Variants in PPP2R3A observed in about 807,000 individuals in gnomAD.
PPP2R3A encodes serine/threonine-protein phosphatase 2A regulatory subunit B'' subunit alpha.
Under a neutral mutation model 106.9 loss-of-function variants are expected in PPP2R3A, and 80 were observed. The observed-to-expected ratio is 0.75, with a 90% CI of 0.62 to 0.90. The LOEUF (loss-of-function observed/expected upper bound fraction) is 0.90. Among genes scored for constraint, PPP2R3A ranks in the 40% least tolerant of loss-of-function variants. The pLI is 0.00. For missense variants in PPP2R3A, 1,386 were observed against 1,350.4 expected (o/e 1.03, Z -0.41); for synonymous variants, 483 against 468.3 (o/e 1.03, Z -0.41).
At chr3:136,064,034 T>C (rs1431988778) in intron 5 of PPP2R3A, among the ~76,000 whole-genome samples, 9 of 151,436 alleles carry the variant, frequency 5.9e-5, no homozygotes, top group Non-Finnish European at 1.2e-4. Flanking sequence ...CCAGCAACGA[T>C]AGACTGGATT....
chr3:136,128,768 G>A (rs948003455), intron 13 of PPP2R3A, among the ~76,000 whole-genome samples: 5 of 152,030 alleles, frequency 3.3e-5, no homozygotes, highest in Non-Finnish European at 7.4e-5. Context: ...ATAGTTGGAA[G>A]TAAAGCACTC....
intron 13 of PPP2R3A, among the ~76,000 whole-genome samples, chr3:136,114,008 G>A (rs554568687): frequency 8.5e-5 from 13 of 152,286 alleles, no homozygotes; most frequent in African/African-American, 2.9e-4. Context: ...CCAGTCTGCA[G>A]CTCCCAGCCA....
In PPP2R3A at chr3:136,147,036, G is replaced by A. The variant is rs1252008896; in HGVS notation, c.*1870G>A. On this transcript the variant is annotated 3_prime_UTR_variant, in exon 14 of 14. Transcript: ENST00000264977. ...CCTTTTTACCTTGGTTCTCCTTACT[G>A]AAGTCCTCTTGCTTTCACTTTGATC... 4 of 150,942 alleles carry A rather than the reference G, an allele frequency of 2.7e-5. No homozygotes were observed. The highest frequency in any genetic ancestry group is 9.8e-5 in the African/African-American group (4 of 40,938). The allele number at this position is 150,942 out of a possible 1,614,324, so 9.4% of individuals were successfully genotyped here.
At chr3:135,984,833 A>G (rs1055749426) in intron 1 of PPP2R3A, among the ~76,000 whole-genome samples, 2 of 152,190 alleles carry the variant, frequency 1.3e-5, no homozygotes, top group Non-Finnish European at 2.9e-5. Flanking sequence ...TACAGTCCAC[A>G]TGGCTGGGGA....
intron 1 of PPP2R3A, among the ~76,000 whole-genome samples, chr3:135,981,752 A>G (rs996179146): frequency 1.8e-4 from 27 of 151,788 alleles, no homozygotes; most frequent in Non-Finnish European, 5.9e-5. Flanking sequence ...ATTAAACTAC[A>G]TAATAGGGCA....
chr3:136,114,055 G>A (rs907716951), intron 13 of PPP2R3A, among the ~76,000 whole-genome samples: 21 of 152,220 alleles, frequency 1.4e-4, no homozygotes, highest in African/African-American at 3.6e-4. Context: ...TGCATTCCCC[G>A]CTGAGGTACC....
chr3:136,105,799 A>G (rs1209237132), intron 12 of PPP2R3A, among the ~76,000 whole-genome samples: 1 of 152,042 alleles, frequency 6.6e-6, no homozygotes, highest in African/African-American at 2.4e-5. Context: ...CTGTCTCTAC[A>G]AAATACAAAA....
Position 136,002,139 on chromosome 3 carries a change from T to C in PPP2R3A, c.641T>C (p.Ile214Thr). Residue 214 changes from isoleucine (I) to threonine (T), a missense_variant, in exon 2 of 14, where the codon ATT becomes ACT. Coordinates refer to ENST00000264977, the MANE Select transcript of PPP2R3A (RefSeq NM_002718.5). ...NFSEEDLVTQ[I>T]LEKHKIDNFS... The stretch of plus-strand genomic sequence containing the variant: ...TCTGAAGAAGACTTGGTTACTCAGA[T>C]TTTGGAAAAACATAAAATAGATAAT... The C allele has an allele frequency of 1.2e-6, 2 of 1,614,072 alleles. No homozygotes were observed. Among genetic ancestry groups the C allele is most frequent in the Non-Finnish European group, 1.7e-6 (2 of 1,180,008 alleles).
At chr3:136,000,938 C>T in intron 1 of PPP2R3A, 121 bp from the exon 2 acceptor site, 1 of 382,052 alleles carries the variant, frequency 2.6e-6, no homozygotes, top group Non-Finnish European at 4.6e-6. Context: ...TGAATATCAG[C>T]TGTAAGGGAT....
chr3:135,980,103 C>T lies in PPP2R3A; in HGVS notation c.-441+14254C>T, dbSNP rs1051607203. On this transcript the variant is annotated intron_variant, in intron 1 of 13. Coordinates refer to ENST00000264977, the MANE Select transcript of PPP2R3A (RefSeq NM_002718.5). ...GCCATGTTGCTCATCATGAATGCCC[C>T]GAAAGAGTGGCCTCAGGCACAAAAT... 8.6e-5 allele frequency among the ~76,000 whole-genome samples: 13 copies of T among 151,832 alleles called. 1 individual carries two copies. Among genetic ancestry groups the T allele is most frequent in the South Asian group, 6.2e-4 (3 of 4,810 alleles).
intron 12 of PPP2R3A, among the ~76,000 whole-genome samples, chr3:136,103,629 C>T (rs1349734336): frequency 1.3e-5 from 2 of 152,254 alleles, no homozygotes; most frequent in Admixed American, 6.5e-5. Context: ...TCTACTGATA[C>T]ACACACTGGA....
chr3:136,146,501 AGG>A lies in PPP2R3A; in HGVS notation c.*1336_*1337del, dbSNP rs1441702188. The A allele has an allele frequency of 6.6e-6, 1 of 152,202 alleles. No homozygotes were observed. Among genetic ancestry groups the A allele is most frequent in the East Asian group, 1.9e-4 (1 of 5,200 alleles). The allele number at this position is 152,202 out of a possible 1,614,324, so 9.4% of individuals were successfully genotyped here. On this transcript the variant is annotated 3_prime_UTR_variant, in exon 14 of 14. Coordinates refer to ENST00000264977, the MANE Select transcript of PPP2R3A (RefSeq NM_002718.5). ...ATGAACCTTGGGTTAGAGTTATGGTAGGCAAAAAGAAAAGGAGAATTTAGGAA... is the reference window on the plus strand; with the variant it reads ...ATGAACCTTGGGTTAGAGTTATGGTACAAAAAGAAAAGGAGAATTTAGGAA...
Position 135,993,712 on chromosome 3 carries a change from C to G in PPP2R3A, c.-440-7347C>G, listed in dbSNP as rs544948335. On this transcript the variant is annotated intron_variant, in intron 1 of 13. Transcript: ENST00000264977. ...AATAGCATCAGAACATTTGAATAGA[C>G]AAAACAAATTCTGGTACATTCATAC... Among the ~76,000 whole-genome samples, 4 of 152,176 alleles carry G rather than the reference C, an allele frequency of 2.6e-5. No individual in the cohort carries two copies. In the East Asian group the frequency reaches 5.8e-4, roughly 22 times the overall value.
At chr3:136,050,749 C>T (rs962431726) in intron 5 of PPP2R3A, among the ~76,000 whole-genome samples, 1 of 144,844 alleles carries the variant, frequency 6.9e-6, no homozygotes, top group African/African-American at 2.4e-5. Flanking sequence ...GCAGAAATCT[C>T]CTGCTGCCAT....
chr3:136,132,102 A>G (rs1938450932), intron 13 of PPP2R3A, among the ~76,000 whole-genome samples: 1 of 152,068 alleles, frequency 6.6e-6, no homozygotes, highest in African/African-American at 2.4e-5. Flanking sequence ...ACCATGGCAC[A>G]TGTATACCTA....
At chr3:136,071,180 C>T (rs1277545399) in intron 6 of PPP2R3A, among the ~76,000 whole-genome samples, 1 of 152,216 alleles carries the variant, frequency 6.6e-6, no homozygotes, top group African/African-American at 2.4e-5. Context: ...CACCGACCAG[C>T]CCCAGGGCCA....
At chr3:136,013,919 C>T (rs932631544) in intron 2 of PPP2R3A, among the ~76,000 whole-genome samples, 14 of 152,110 alleles carry the variant, frequency 9.2e-5, no homozygotes, top group African/African-American at 3.4e-4. Flanking sequence ...TCACCTAAGC[C>T]GATGTCTAGA....
chr3:136,003,900 A>G (rs988866619), intron 2 of PPP2R3A, among the ~76,000 whole-genome samples: 2 of 152,208 alleles, frequency 1.3e-5, no homozygotes, highest in Admixed American at 6.5e-5. Flanking sequence ...CAGCCAACCA[A>G]GAGACCAGTT....
chr3:136,023,235 T>C, intron 2 of PPP2R3A: 1 of 1,557,912 alleles, frequency 6.4e-7, no homozygotes, highest in South Asian at 1.2e-5. Flanking sequence ...TTGTTTTGTT[T>C]TGTTTTGTTT....
Sources: gnomAD v4.1 joint callset for allele counts (sites outside exome capture counted in the v4.1 genomes callset) on GRCh38, gnomAD v4.1.1 for gene constraint, MANE v1.5 for transcripts, NCBI Gene and HGNC (gene_info 2026-07-23, HGNC 2026-07-21) for gene names.